TAB2: variants seen among roughly 807,000 people sequenced by gnomAD.
The protein encoded by TAB2 is TGF-beta activated kinase 1 (MAP3K7) binding protein 2, also known as TGF-beta-activated kinase 1 and MAP3K7-binding protein 2.
In TAB2, 3 loss-of-function variants were observed where a neutral mutation model predicts 65.0. The observed-to-expected ratio is 0.05, with a 90% CI of 0.02 to 0.12. The LOEUF (loss-of-function observed/expected upper bound fraction) is 0.12. TAB2 is among the 10% of genes least tolerant of loss of function. The pLI is 1.00. For synonymous variants in TAB2, 298 were observed against 285.1 expected (o/e 1.05, Z -0.46); for missense variants, 623 against 840.3 (o/e 0.74, Z 3.20).
chr6:149,383,822 A>G (rs1375129932), intron 3 of TAB2, among the ~76,000 whole-genome samples: 3 of 152,258 alleles, frequency 2.0e-5, no homozygotes, highest in South Asian at 2.1e-4. Flanking sequence ...ACCTCAGGCA[A>G]TCCGCCTGCC....
chr6:149,358,175 G>A (rs975222644), intron 1 of TAB2, among the ~76,000 whole-genome samples: 3 of 152,024 alleles, frequency 2.0e-5, no homozygotes, highest in African/African-American at 4.8e-5. Context: ...AAAATGTTTC[G>A]GATTTTGGAT....
At position 149,357,050 on chromosome 6, in the gene TAB2, A is replaced by C. The variant is rs955443103; in HGVS notation, c.-89-12859A>C. ...GACATTTATAACAGTCTAGTGGCTG[A>C]AAACTGAAATAACCACGTCTTTATT... On this transcript the variant is annotated intron_variant, in intron 1 of 6. Coordinates refer to ENST00000637181, the MANE Select transcript of TAB2 (RefSeq NM_001292034.3). Among the ~76,000 whole-genome samples the C allele has an allele frequency of 2.6e-5, 4 of 152,204 alleles. No individual in the cohort carries two copies. In the East Asian group the frequency reaches 7.7e-4, roughly 29 times the overall value.
chr6:149,293,912 G>T (rs891280848), intron 1 of TAB2, among the ~76,000 whole-genome samples: 1 of 151,956 alleles, frequency 6.6e-6, no homozygotes, highest in Non-Finnish European at 1.5e-5. Flanking sequence ...TGTTTCAATG[G>T]TGAAAAGGCA....
chr6:149,403,255 T>A (rs1163630306), intron 6 of TAB2, among the ~76,000 whole-genome samples: 11 of 34,598 alleles, frequency 3.2e-4, no homozygotes, highest in Non-Finnish European at 5.1e-4. Flanking sequence ...AAAATATATA[T>A]ATATATATAT....
intron 1 of TAB2, chr6:149,342,762 A>C (rs1767420603): frequency 6.6e-6 from 1 of 152,198 alleles, no homozygotes; most frequent in African/African-American, 2.4e-5. Context: ...TACTTAATTA[A>C]CAATTTGTAA....
intron 1 of TAB2, among the ~76,000 whole-genome samples, chr6:149,254,002 G>GAA (rs1215333199): frequency 1.4e-5 from 2 of 140,490 alleles, no homozygotes; most frequent in Non-Finnish European, 3.1e-5. Context: ...AAGAAAGAAA[G>GAA]AAAGAAAGAA....
intron 6 of TAB2, among the ~76,000 whole-genome samples, chr6:149,399,529 T>TC (rs1782294153): frequency 3.9e-5 from 5 of 127,390 alleles, no homozygotes; most frequent in African/African-American, 1.4e-4. Context: ...CTTAGGGAAG[T>TC]TCCCCCCCCC....
chr6:149,300,171 T>C lies in TAB2; in HGVS notation c.-120-77847T>C, dbSNP rs568131820. ...AGATGGAAAACTAAAAATAGACCCCTGTAATCCTGGTGAATCCAGGTAAGG... is the reference window on the plus strand; with the variant it reads ...AGATGGAAAACTAAAAATAGACCCCCGTAATCCTGGTGAATCCAGGTAAGG... On this transcript the variant is annotated intron_variant, in intron 1 of 1. Coordinates refer to the TAB2 transcript ENST00000606202. 1.6e-4 allele frequency among the ~76,000 whole-genome samples: 24 copies of C among 152,320 alleles called. No homozygotes were observed. In the East Asian group the frequency reaches 4.4e-3, roughly 28 times the overall value.
At chr6:149,382,520 C>T (rs1781646329) in intron 3 of TAB2, among the ~76,000 whole-genome samples, 2 of 151,546 alleles carry the variant, frequency 1.3e-5, no homozygotes, top group East Asian at 2.0e-4. Context: ...CGCTTGAGCC[C>T]GGGAGGCAGA....
chr6:149,295,184 T>C (rs778722195), intron 1 of TAB2, among the ~76,000 whole-genome samples: 6 of 152,174 alleles, frequency 3.9e-5, no homozygotes, highest in South Asian at 2.1e-4. Flanking sequence ...CTTTCATAAA[T>C]GTTTAGTAGA....
At chr6:149,230,246 T>A (rs967235786) in intron 1 of TAB2, 1 of 152,254 alleles carries the variant, frequency 6.6e-6, no homozygotes, top group African/African-American at 2.4e-5. Context: ...TATCAATTCA[T>A]CTAATCACAT....
Position 149,379,535 on chromosome 6 carries a change from A to AG in TAB2, c.1603+19dup. On this transcript the variant is annotated intron_variant, in intron 3 of 6. Coordinates refer to ENST00000637181, the MANE Select transcript of TAB2 (RefSeq NM_001292034.3). ...ACACACAAGGTAATATGAATACTAA[A>AG]GGTGGGATGGTTTTCCATGCTGGGC... is the stretch of plus-strand genomic sequence containing the variant. The AG allele has an allele frequency of 6.2e-7, 1 of 1,613,660 alleles. No individual in the cohort carries two copies. The highest frequency in any genetic ancestry group is 8.5e-7 in the Non-Finnish European group (1 of 1,179,616).
chr6:149,401,766 G>T (rs113693957), intron 6 of TAB2, among the ~76,000 whole-genome samples: 1 of 151,940 alleles, frequency 6.6e-6, no homozygotes, highest in African/African-American at 2.4e-5. Context: ...ATCATTCCAC[G>T]TATTTTTTCT....
intron 2 of TAB2, chr6:149,372,462 G>C (rs971064800): frequency 1.3e-5 from 2 of 152,004 alleles, no homozygotes; most frequent in Non-Finnish European, 2.9e-5. Context: ...GTTTTAATCT[G>C]TGTTAATAAA....
chr6:149,253,240 T>A (rs1777896460), intron 1 of TAB2: 1 of 151,978 alleles, frequency 6.6e-6, no homozygotes, highest in Non-Finnish European at 1.5e-5. Flanking sequence ...TTTGCTGGAG[T>A]CTTCAGGATA....
intron 1 of TAB2, among the ~76,000 whole-genome samples, chr6:149,321,932 T>A (rs1165450522): frequency 3.3e-5 from 5 of 152,192 alleles, no homozygotes; most frequent in Non-Finnish European, 7.4e-5. Context: ...TGTGACTTTT[T>A]GATTTGCCTT....
At chr6:149,228,138 C>A (rs1168075527) in intron 1 of TAB2, among the ~76,000 whole-genome samples, 1 of 151,754 alleles carries the variant, frequency 6.6e-6, no homozygotes, top group Admixed American at 6.6e-5. Flanking sequence ...AGAACCTGCC[C>A]CAAACTTGAA....
chr6:149,264,451 G>C (rs1778219190), intron 1 of TAB2, among the ~76,000 whole-genome samples: 1 of 146,812 alleles, frequency 6.8e-6, no homozygotes, highest in Non-Finnish European at 1.5e-5. Flanking sequence ...TTCTTGTTTT[G>C]TTTTGTTTGG....
At chr6:149,365,999 A>G (rs962153598) in intron 1 of TAB2, among the ~76,000 whole-genome samples, 1 of 152,114 alleles carries the variant, frequency 6.6e-6, no homozygotes, top group Non-Finnish European at 1.5e-5. Flanking sequence ...AGTTCCAGGC[A>G]TATTTGCACT....
Sources: gnomAD v4.1 joint callset for allele counts (sites outside exome capture counted in the v4.1 genomes callset) on GRCh38, gnomAD v4.1.1 for gene constraint, MANE v1.5 for transcripts, NCBI Gene and HGNC (gene_info 2026-07-23, HGNC 2026-07-21) for gene names.